Variants in MCF2L observed in about 807,000 individuals in gnomAD.
MCF2L encodes MCF.2 cell line derived transforming sequence like.
In MCF2L, 97 loss-of-function variants were observed where a neutral mutation model predicts 153.4. The ratio of observed to expected loss-of-function variants is 0.63; its 90% confidence interval spans 0.54 to 0.75. The LOEUF is 0.75. MCF2L is among the 30% of genes least tolerant of loss of function. The probability of loss-of-function intolerance (pLI) is 0.00; values close to 1 mark genes in which losing one functional copy is unlikely to be tolerated. For synonymous variants in MCF2L, 659 were observed against 632.2 expected, an observed-to-expected ratio of 1.04 and a Z score of -0.64; for missense variants, 1,347 against 1,495.2, an observed-to-expected ratio of 0.90 and a Z score of 1.64.
At chr13:113,096,112 G>A in intron 27 of MCF2L, 1 of 569,290 alleles carries the variant, frequency 1.8e-6, no homozygotes, top group Non-Finnish European at 3.1e-6. Flanking sequence ...GGGGCCGAGA[G>A]CTGTGTGTGG....
chr13:113,094,882 A>T (rs1169725651), intron 27 of MCF2L: 1 of 1,166,616 alleles, frequency 8.6e-7, no homozygotes, highest in Non-Finnish European at 1.2e-6. Context: ...TGGAAGGTCC[A>T]CCTGGGCCTG....
rs1279726061 is a variant in MCF2L at position 113,096,895 on chromosome 13, G to A, written c.*36G>A. 2.1e-5 allele frequency: 28 copies of A among 1,309,900 alleles called. No individual in the cohort carries two copies. The highest frequency in any genetic ancestry group is 2.6e-5 in the Non-Finnish European group (27 of 1,024,700). The allele number at this position is 1,309,900 out of a possible 1,614,324, so 81.1% of individuals were successfully genotyped here. On this transcript the variant is annotated 3_prime_UTR_variant, in exon 30 of 30. Coordinates refer to ENST00000535094, the MANE Select transcript of MCF2L (RefSeq NM_001112732.3). ...GCGCCGGAGACCCGCGCGCTGTCTG[G>A]GGCTGCGGTGGCGTGGGGAGGGCGC...
chr13:112,981,640 G>A (rs116157191), intron 1 of MCF2L, among the ~76,000 whole-genome samples: 3,729 of 152,346 alleles, frequency 0.024, 171 homozygotes, highest in African/African-American at 0.084. Context: ...GGGCCTGCGA[G>A]CCTGAGACCG....
At chr13:113,002,881 A>G (rs2083459578) in intron 1 of MCF2L, among the ~76,000 whole-genome samples, 1 of 152,190 alleles carries the variant, frequency 6.6e-6, no homozygotes, top group Non-Finnish European at 1.5e-5. Flanking sequence ...TTTAAAGTAA[A>G]GAACTGGCTG....
chr13:113,090,083 G>C (rs1227366411), intron 26 of MCF2L: 3 of 1,553,350 alleles, frequency 1.9e-6, no homozygotes, highest in Non-Finnish European at 2.6e-6. Context: ...ACGGTCACTA[G>C]CTCTGCCTCA....
intron 3 of MCF2L, chr13:113,044,898 A>G (rs763978169): frequency 3.4e-5 from 55 of 1,612,674 alleles, no homozygotes; most frequent in Non-Finnish European, 4.3e-5. Flanking sequence ...TGTATGCGCC[A>G]TAAGACTGTT....
chr13:112,964,170 A>G (rs4907477), intron 2 of MCF2L, among the ~76,000 whole-genome samples: 42,853 of 151,384 alleles, frequency 0.28, 6,138 homozygotes, highest in African/African-American at 0.29. Context: ...CCCTGCCCAC[A>G]GCAACAACTC....
chr13:113,011,751 TGAG>T (rs1159734106), intron 1 of MCF2L, among the ~76,000 whole-genome samples: 24 of 126,644 alleles, frequency 1.9e-4, no homozygotes, highest in African/African-American at 6.6e-4. Flanking sequence ...GACACCGTGA[TGAG>T]GACGGTGGAC....
chr13:112,999,894 G>T (rs2083288807), intron 1 of MCF2L, among the ~76,000 whole-genome samples: 1 of 152,228 alleles, frequency 6.6e-6, no homozygotes, highest in Non-Finnish European at 1.5e-5. Flanking sequence ...AGGCCCCAGA[G>T]CACAGGCAGG....
intron 2 of MCF2L, among the ~76,000 whole-genome samples, chr13:112,928,314 T>C (rs1476536742): frequency 2.0e-5 from 3 of 152,256 alleles, no homozygotes; most frequent in Non-Finnish European, 4.4e-5. Context: ...CTTTTTATAA[T>C]GTAAGTTGCA....
chr13:112,954,885 G>A (rs189365944), intron 2 of MCF2L, among the ~76,000 whole-genome samples: 40 of 152,322 alleles, frequency 2.6e-4, no homozygotes, highest in African/African-American at 9.4e-4. Flanking sequence ...GCACCTGGGG[G>A]GCCTGTGGGA....
intron 1 of MCF2L, among the ~76,000 whole-genome samples, chr13:112,977,748 G>A (rs2082264139): frequency 6.6e-6 from 1 of 152,134 alleles, no homozygotes; most frequent in Admixed American, 6.5e-5. Context: ...CGTGCGCACC[G>A]CTCACTGCTT....
intron 2 of MCF2L, among the ~76,000 whole-genome samples, chr13:113,015,358 G>C (rs146232056): frequency 6.6e-6 from 1 of 152,192 alleles, no homozygotes; most frequent in Non-Finnish European, 1.5e-5. Context: ...TGTAGATGCC[G>C]TTCTTATGTG....
Position 113,035,434 on chromosome 13 carries a change from C to T in MCF2L, c.279-9837C>T, listed in dbSNP as rs1023341331. Among the ~76,000 whole-genome samples, 9 of 152,312 alleles carry T rather than the reference C, an allele frequency of 5.9e-5. No homozygotes were observed. The highest frequency in any genetic ancestry group is 4.6e-4 in the Admixed American group (7 of 15,308). On this transcript the variant is annotated intron_variant, in intron 3 of 29. Coordinates refer to ENST00000535094, the MANE Select transcript of MCF2L (RefSeq NM_001112732.3). The surrounding 1 kb of genome is among the most constrained non-coding windows in gnomAD (Gnocchi z 4.4). ...CTTGGCGGGAAACCAGGTCCTCTGACCTCACCCGGCTCTGCAGTCTGTTTT... is the reference window on the plus strand; with the variant it reads ...CTTGGCGGGAAACCAGGTCCTCTGATCTCACCCGGCTCTGCAGTCTGTTTT...
rs1191586640 is a variant in MCF2L at position 113,046,073 on chromosome 13, G to C, written c.369+712G>C. 6.4e-6 allele frequency: 1 copy of C among 155,970 alleles called. No homozygotes were observed. The highest frequency in any genetic ancestry group is 6.3e-5 in the Admixed American group (1 of 15,914). The allele number at this position is 155,970 out of a possible 1,614,324, so 9.7% of individuals were successfully genotyped here. A position where few individuals can be genotyped will look rare whatever the true frequency, so the allele number is the denominator to read the frequency against. ...GCCTTCCATAGCAGAAGGGGAGCTG[G>C]GTTTGCTGTTGGTTTTAACCCAGAG... On this transcript the variant is annotated intron_variant, in intron 4 of 29. Coordinates refer to ENST00000535094, the MANE Select transcript of MCF2L (RefSeq NM_001112732.3). The surrounding 1 kb of genome is among the most constrained non-coding windows in gnomAD (Gnocchi z 4.4).
In MCF2L at chr13:113,077,111, G is replaced by A; in HGVS notation, c.1560G>A (p.Arg520=). The A allele has an allele frequency of 6.2e-7, 1 of 1,612,854 alleles. No individual in the cohort carries two copies. The highest frequency in any genetic ancestry group is 1.1e-5 in the South Asian group (1 of 91,048). The part of the protein sequence containing the change: ...QASMEEVFHR[R]QASLKKLAAR... ...GCATGGAGGAGGTGTTCCACCGCAG[G>A]CAGGCCAGCCTGAAGAAGCTGGCGG... is the stretch of plus-strand genomic sequence containing the variant. Residue 520 remains arginine, a synonymous_variant, in exon 13 of 30, where the codon AGG becomes AGA. Coordinates refer to ENST00000535094, the MANE Select transcript of MCF2L (RefSeq NM_001112732.3).
At position 113,024,762 on chromosome 13, in the gene MCF2L, C is replaced by T. The variant is rs758340951; in HGVS notation, c.278+4C>T. Reference sequence around the variant, plus strand: ...CCTACCTCACCAGCATCCCCAGGTACGTGCACCCAGAGCCCGGCAGACATT... The same window carrying T: ...CCTACCTCACCAGCATCCCCAGGTATGTGCACCCAGAGCCCGGCAGACATT... On this transcript the variant is annotated splice_donor_region_variant and intron_variant, in intron 3 of 29. Transcript: ENST00000535094. 29 of 1,607,786 alleles carry T rather than the reference C, an allele frequency of 1.8e-5. No individual in the cohort carries two copies. In the East Asian group the frequency reaches 2.7e-4, roughly 15 times the overall value.
At chr13:113,010,872 G>A (rs1475720842) in intron 1 of MCF2L, among the ~76,000 whole-genome samples, 3 of 152,310 alleles carry the variant, frequency 2.0e-5, no homozygotes, top group African/African-American at 7.2e-5. Context: ...GGCCATGCTC[G>A]CCTGCCTGCA....
chr13:113,095,220 G>A, intron 27 of MCF2L: 2 of 1,223,262 alleles, frequency 1.6e-6, no homozygotes, highest in Non-Finnish European at 2.1e-6. Flanking sequence ...ACACCAAGAA[G>A]TGTCTGCTGC....
Sources: allele counts gnomAD v4.1 joint callset (sites outside exome capture counted in the v4.1 genomes callset), GRCh38; gene constraint gnomAD v4.1.1; non-coding constraint Gnocchi (gnomAD v3.1); transcripts MANE v1.5; gene names NCBI Gene and HGNC (gene_info 2026-07-23, HGNC 2026-07-21).